The following SRPK2 variants were observed in gnomAD, a reference collection of about 807,000 sequenced individuals.
SRPK2 encodes SRSF protein kinase 2.
A neutral mutation model predicts 90.8 loss-of-function variants in SRPK2; 21 were observed. That is an observed-to-expected ratio of 0.23 (90% CI 0.16 to 0.33). The LOEUF is 0.33. SRPK2 is among the 10% of genes least tolerant of loss of function. SRPK2 has a pLI of 1.00. For missense variants in SRPK2, 620 were observed against 869.0 expected (o/e 0.71, Z 3.60); for synonymous variants, 288 against 311.1 (o/e 0.93, Z 0.78).
At chr7:105,331,478 G>A (rs888523868) in intron 2 of SRPK2, among the ~76,000 whole-genome samples, 1 of 152,114 alleles carries the variant, frequency 6.6e-6, no homozygotes, top group African/African-American at 2.4e-5. Context: ...GGCTTTGGGA[G>A]AGAGAAGGAG....
chr7:105,257,596 C>T (rs998802239), intron 2 of SRPK2, among the ~76,000 whole-genome samples: 3 of 152,120 alleles, frequency 2.0e-5, no homozygotes, highest in African/African-American at 7.2e-5. Context: ...CTTTATGACA[C>T]CTGCAAATTT....
chr7:105,315,347 G>T (rs751748781), intron 2 of SRPK2, among the ~76,000 whole-genome samples: 74 of 152,116 alleles, frequency 4.9e-4, no homozygotes, highest in Non-Finnish European at 1.3e-4. Flanking sequence ...TTAAAAACTA[G>T]TTTGAGATGC....
chr7:105,302,902 C>G (rs1432859462), intron 2 of SRPK2, among the ~76,000 whole-genome samples: 2 of 151,628 alleles, frequency 1.3e-5, no homozygotes, highest in Non-Finnish European at 2.9e-5. Flanking sequence ...TGAAATCCTA[C>G]TTTTCTGAAG....
At chr7:105,325,265 C>T (rs1813427388) in intron 2 of SRPK2, among the ~76,000 whole-genome samples, 1 of 152,098 alleles carries the variant, frequency 6.6e-6, no homozygotes, top group Admixed American at 6.6e-5. Context: ...AATAGCTAGG[C>T]TTACAATTAT....
intron 11 of SRPK2, among the ~76,000 whole-genome samples, chr7:105,141,238 A>ATGTCGGGCTGTT (rs2129576462): frequency 6.6e-6 from 1 of 152,328 alleles, no homozygotes; most frequent in East Asian, 1.9e-4. Flanking sequence ...GGGCTGCAGA[A>ATGTCGGGCTGTT]TGTCGGGCTG....
At chr7:105,278,005 C>T (rs1222982331) in intron 2 of SRPK2, among the ~76,000 whole-genome samples, 1 of 152,174 alleles carries the variant, frequency 6.6e-6, no homozygotes, top group East Asian at 1.9e-4. Context: ...CAATAACATG[C>T]TAAGTGGCTC....
At chr7:105,268,911 C>CG in intron 2 of SRPK2, 1 of 1,562,224 alleles carries the variant, frequency 6.4e-7, no homozygotes, top group Non-Finnish European at 8.7e-7. Flanking sequence ...ATTGCCTGCC[C>CG]TTGCTTTCAA....
upstream of SRPK2, chr7:105,388,996 C>T (rs1822017436): frequency 2.9e-6 from 3 of 1,020,636 alleles, no homozygotes; most frequent in South Asian, 9.0e-5. Flanking sequence ...CCCCGCCCCG[C>T]CCCCACCCGC....
chr7:105,169,224 G>A lies in SRPK2; in HGVS notation c.271C>T (p.Arg91Trp), dbSNP rs1401523336. The change falls in exon 4 of 16, where the codon CGG becomes TGG. Residue 91 changes from arginine to tryptophan, a missense_variant. Around this residue, in one of 8 missense-constraint regions of SRPK2, gnomAD observed 196 missense variants for 339.2 expected, o/e 0.58. Coordinates refer to ENST00000393651, the MANE Select transcript of SRPK2 (RefSeq NM_182692.3). The part of the protein sequence containing the change: ...PVKIGDLFNG[R>W]YHVIRKLGWG... Reference sequence around the variant, plus strand: ...CCAAGCTTTCTAATAACATGATACCGGCCATTGAAGAGGTCTCCAATTTTC... The same window carrying A: ...CCAAGCTTTCTAATAACATGATACCAGCCATTGAAGAGGTCTCCAATTTTC... The A allele has an allele frequency of 2.5e-6, 4 of 1,613,746 alleles. No homozygotes were observed. The highest frequency in any genetic ancestry group is 2.2e-5 in the East Asian group (1 of 44,862).
chr7:105,361,602 G>C (rs920017752), intron 2 of SRPK2, among the ~76,000 whole-genome samples: 4 of 152,112 alleles, frequency 2.6e-5, no homozygotes, highest in Non-Finnish European at 4.4e-5. Flanking sequence ...AACAAAAACA[G>C]CATGGTACTG....
intron 3 of SRPK2, among the ~76,000 whole-genome samples, chr7:105,173,668 C>A (rs547117887): frequency 1.6e-4 from 25 of 152,268 alleles, no homozygotes; most frequent in African/African-American, 5.8e-4. Flanking sequence ...GCCCAGCACA[C>A]AAGAAAACAA....
At chr7:105,334,032 C>A (rs1156797318) in intron 2 of SRPK2, among the ~76,000 whole-genome samples, 2 of 151,564 alleles carry the variant, frequency 1.3e-5, no homozygotes, top group African/African-American at 4.9e-5. Context: ...AAGTCATTCT[C>A]CTGCCTCAGC....
chr7:105,301,478 G>T lies in SRPK2; in HGVS notation c.71+87170C>A, dbSNP rs186931275. The T allele has an allele frequency of 2.0e-4, 211 of 1,038,538 alleles. 1 individual carries two copies. The African/African-American group carries it at 2.7e-3, about 13-fold the overall frequency. 64.3% of individuals were successfully genotyped at this position (1,038,538 alleles called of 1,614,324 possible). A position where few individuals can be genotyped will look rare whatever the true frequency, so the allele number is the denominator to read the frequency against. On this transcript the variant is annotated intron_variant, in intron 2 of 15. Coordinates refer to ENST00000393651, the MANE Select transcript of SRPK2 (RefSeq NM_182692.3). ...CTGCCCTCGCTTTGTCTTCGTTGTT[G>T]CAAGCACCGTCCACTCAGGAGGCGC... is the stretch of plus-strand genomic sequence containing the variant.
chr7:105,295,628 G>A (rs1380617472), intron 2 of SRPK2, among the ~76,000 whole-genome samples: 2 of 152,154 alleles, frequency 1.3e-5, no homozygotes, highest in Non-Finnish European at 2.9e-5. Context: ...AGGGAAAATG[G>A]GGAGTTGCTG....
chr7:105,154,968 TG>T (rs1392160319), intron 7 of SRPK2, among the ~76,000 whole-genome samples: 1 of 148,150 alleles, frequency 6.7e-6, no homozygotes, highest in Non-Finnish European at 1.5e-5. Flanking sequence ...CCACCGCACC[TG>T]GCCCACCCTT....
intron 2 of SRPK2, among the ~76,000 whole-genome samples, chr7:105,287,411 A>G (rs1808307986): frequency 6.6e-6 from 1 of 152,006 alleles, no homozygotes; most frequent in Admixed American, 6.6e-5. Flanking sequence ...GTACATATAC[A>G]TGTGTATATA....
At chr7:105,389,165 C>T, upstream of SRPK2, 2 of 1,027,114 alleles carry the variant, frequency 1.9e-6, no homozygotes, top group Non-Finnish European at 2.3e-6. Flanking sequence ...GATCCTGCGG[C>T]TGGCCCAGGC....
At chr7:105,306,560 G>A (rs747077742) in intron 2 of SRPK2, 5 of 439,554 alleles carry the variant, frequency 1.1e-5, no homozygotes, top group Admixed American at 2.6e-5. Flanking sequence ...GAAGCAGCAG[G>A]ATGTACTCCA....
upstream of SRPK2, among the ~76,000 whole-genome samples, chr7:105,393,459 C>CT (rs58162170): frequency 0.013 from 1,022 of 81,186 alleles, 12 homozygotes; most frequent in Admixed American, 0.018. Context: ...TCTGGTTTTT[C>CT]TTTTTTTTTT....
Sources: allele counts gnomAD v4.1 joint callset (sites outside exome capture counted in the v4.1 genomes callset), GRCh38; gene constraint gnomAD v4.1.1; regional missense constraint gnomAD v4.1.1; transcripts MANE v1.5; gene names NCBI Gene and HGNC (gene_info 2026-07-23, HGNC 2026-07-21).